The following CAPN8 variants were observed in gnomAD, a reference collection of about 807,000 sequenced individuals.
The protein encoded by CAPN8 is calpain-8.
CAPN8 carries 87 observed loss-of-function variants against 80.9 expected under a neutral mutation model. That is an observed-to-expected ratio of 1.07 (90% CI 0.90 to 1.28). CAPN8 has a LOEUF of 1.28. Ranked by LOEUF, CAPN8 falls within the 50% of genes most tolerant of loss-of-function variation. CAPN8 has a pLI of 0.00. For missense variants in CAPN8, 757 were observed against 702.0 expected (o/e 1.08, Z -0.89); for synonymous variants, 299 against 273.8 (o/e 1.09, Z -0.91).
chr1:223,665,074 A>G (rs1040015675), intron 1 of CAPN8, among the ~76,000 whole-genome samples: 1 of 152,018 alleles, frequency 6.6e-6, no homozygotes, highest in Admixed American at 6.6e-5. Context: ...ACCAACATGG[A>G]GAAACCCCAT....
Position 223,628,146 on chromosome 1 carries a change from G to A in CAPN8, c.427-4C>T. Reference sequence around the variant, plus strand: ...CCCACTCTCCGTACTGCCAGAACTGGGGAGGGGGGACACAGCGGCTGCTCA... The same window carrying A: ...CCCACTCTCCGTACTGCCAGAACTGAGGAGGGGGGACACAGCGGCTGCTCA... On this transcript the variant is annotated splice_region_variant and splice_polypyrimidine_tract_variant and intron_variant, in intron 3 of 20. Coordinates refer to ENST00000366872, the MANE Select transcript of CAPN8 (RefSeq NM_001143962.2). 4 of 1,540,964 alleles carry A rather than the reference G, an allele frequency of 2.6e-6. No individual in the cohort carries two copies. Among genetic ancestry groups the A allele is most frequent in the Non-Finnish European group, 3.5e-6 (4 of 1,141,018 alleles).
chr1:223,652,906 A>G (rs541310224), intron 2 of CAPN8, among the ~76,000 whole-genome samples: 1 of 152,064 alleles, frequency 6.6e-6, no homozygotes, highest in Admixed American at 6.5e-5. Context: ...CGCACTCACC[A>G]TGGTAACGCT....
chr1:223,660,129 C>T (rs1658606264), intron 1 of CAPN8, among the ~76,000 whole-genome samples: 1 of 152,200 alleles, frequency 6.6e-6, no homozygotes, highest in African/African-American at 2.4e-5. Context: ...ACAATTCATC[C>T]CCTTGACATT....
rs1179597170 is a variant in CAPN8, at chr1:223,665,433, C to T, written c.214G>A (p.Gly72Ser). 4 of 1,551,828 alleles carry T rather than the reference C, an allele frequency of 2.6e-6. No homozygotes were observed. The Admixed American group carries it at 7.8e-5, about 30-fold the overall frequency. ...DLGPGSPQTQ[G>S]IIWKRPTELC... is the part of the protein sequence containing the mutation. ...ACCGTGGGCCGCTTCCAGATGATGC[C>T]TTGAGTTTGCGGAGAGCCTGGTCCA... Residue 72 changes from glycine (G) to serine (S), a missense_variant, in exon 1 of 21, where the codon GGC becomes AGC. Coordinates refer to ENST00000366872, the MANE Select transcript of CAPN8 (RefSeq NM_001143962.2).
At chr1:223,610,907 C>T (rs1320538224) in intron 11 of CAPN8, among the ~76,000 whole-genome samples, 1 of 152,180 alleles carries the variant, frequency 6.6e-6, no homozygotes, top group African/African-American at 2.4e-5. Context: ...TCTCAGGCCC[C>T]ACCCTAGACT....
chr1:223,613,336 C>T (rs74145917), intron 10 of CAPN8, among the ~76,000 whole-genome samples: 4,732 of 152,342 alleles, frequency 0.031, 174 homozygotes, highest in African/African-American at 0.09. Context: ...CAAAATCACC[C>T]ATGCAGAGGC....
intron 6 of CAPN8, among the ~76,000 whole-genome samples, chr1:223,624,861 G>A (rs980384349): frequency 7.9e-5 from 12 of 152,144 alleles, no homozygotes; most frequent in African/African-American, 2.2e-4. Flanking sequence ...TTGGGAGGTC[G>A]AGGCGGGCAG....
intron 2 of CAPN8, among the ~76,000 whole-genome samples, chr1:223,652,315 C>A (rs868117761): frequency 3.9e-5 from 6 of 152,136 alleles, no homozygotes; most frequent in South Asian, 2.1e-4. Flanking sequence ...GCACTCCAGC[C>A]TGGGAGACAG....
chr1:223,546,799 G>T (rs34811428), intron 16 of CAPN8, among the ~76,000 whole-genome samples: 13,936 of 152,190 alleles, frequency 0.092, 669 homozygotes, highest in Non-Finnish European at 0.11. Flanking sequence ...AACACCAGTG[G>T]TCTTCAATTC....
intron 2 of CAPN8, among the ~76,000 whole-genome samples, chr1:223,637,348 G>A (rs562227077): frequency 3.9e-5 from 6 of 152,064 alleles, no homozygotes; most frequent in Non-Finnish European, 8.8e-5. Context: ...GAGCACAGAT[G>A]CCTACCAGCC....
rs140826303 is a variant in CAPN8 at position 223,653,643 on chromosome 1, G to A, written c.307+687C>T. Reference sequence around the variant, plus strand: ...TTCAGAGCCATGTTGCCCATAAAATGTAAGGATTGTCCAATTCAACGCAGA... The same window carrying A: ...TTCAGAGCCATGTTGCCCATAAAATATAAGGATTGTCCAATTCAACGCAGA... On this transcript the variant is annotated intron_variant, in intron 2 of 20. Transcript: ENST00000366872. Among the ~76,000 whole-genome samples the A allele has an allele frequency of 1.2e-3, 188 of 152,276 alleles. 4 individuals carry two copies. Among genetic ancestry groups the A allele is most frequent in the African/African-American group, 4.0e-3 (168 of 41,558 alleles).
rs1377830766 is a variant in CAPN8 at position 223,643,474 on chromosome 1, G to A, written c.307+10856C>T. 3.9e-5 allele frequency among the ~76,000 whole-genome samples: 6 copies of A among 152,232 alleles called. No homozygotes were observed. In the South Asian group the frequency reaches 8.3e-4, roughly 21 times the overall value. On this transcript the variant is annotated intron_variant, in intron 2 of 20. Transcript: ENST00000366872. ...ATGTTAAAATGCCAAGGAACCCAGT[G>A]GGGTGTTGTGAGCAGAAAACGAGAT...
chr1:223,650,772 G>A (rs186690131), intron 2 of CAPN8, among the ~76,000 whole-genome samples: 23 of 152,324 alleles, frequency 1.5e-4, no homozygotes, highest in African/African-American at 4.8e-4. Flanking sequence ...TTGAAAGCCA[G>A]TGACCAAAGG....
At position 223,615,990 on chromosome 1, in the gene CAPN8, T is replaced by A; in HGVS notation, c.1291A>T (p.Ile431Phe). 1 of 1,552,288 alleles carries A rather than the reference T, an allele frequency of 6.4e-7. No homozygotes were observed. Among genetic ancestry groups the A allele is most frequent in the South Asian group, 1.2e-5 (1 of 84,066 alleles). Residue 431 changes from isoleucine to phenylalanine, a missense_variant, in exon 10 of 21, where the codon ATC becomes TTC. Transcript: ENST00000366872. ...AGTACCTGGTAGACGGCATAGCCGA[T>A]GCTAAGCATGCCTTGTCCTATCCGC... is the stretch of plus-strand genomic sequence containing the variant. ...RKRIGQGMLS[I>F]GYAVYQVPKE...
chr1:223,628,975 G>A lies in CAPN8; in HGVS notation c.308-195C>T, dbSNP rs988618606. 4.6e-5 allele frequency: 26 copies of A among 570,536 alleles called. 1 individual carries two copies. The highest frequency in any genetic ancestry group is 2.6e-4 in the South Asian group (12 of 46,418). 35.3% of individuals were successfully genotyped at this position (570,536 alleles called of 1,614,324 possible). A position where few individuals can be genotyped will look rare whatever the true frequency, so the allele number is the denominator to read the frequency against. On this transcript the variant is annotated intron_variant, in intron 2 of 20. Coordinates refer to ENST00000366872, the MANE Select transcript of CAPN8 (RefSeq NM_001143962.2). ...CTGCCTCCTTGGGATTTGTTTACTC[G>A]GGAGTGGATCCTCTGCTCCTCCCTG...
At chr1:223,654,272 A>C (rs887331097) in intron 2 of CAPN8, 58 bp downstream of exon 2, 4 of 1,419,724 alleles carry the variant, frequency 2.8e-6, no homozygotes, top group Non-Finnish European at 2.9e-6. Context: ...ATGTTTACTC[A>C]TGACACATAC....
chr1:223,549,267 A>C, intron 16 of CAPN8, 51 bp downstream of exon 16: 1 of 1,533,350 alleles, frequency 6.5e-7, no homozygotes, highest in Non-Finnish European at 8.8e-7. Context: ...GGAGTCTTTA[A>C]AAACCGGACG....
chr1:223,648,157 G>A (rs568639131), intron 2 of CAPN8, among the ~76,000 whole-genome samples: 1 of 152,332 alleles, frequency 6.6e-6, no homozygotes, highest in Admixed American at 6.5e-5. Flanking sequence ...AGTGGTGTTA[G>A]TGGAACAAAA....
chr1:223,645,826 G>A (rs1658176596), intron 2 of CAPN8, among the ~76,000 whole-genome samples: 1 of 152,184 alleles, frequency 6.6e-6, no homozygotes, highest in South Asian at 2.1e-4. Context: ...GGACCCCTGA[G>A]GGAGGCACAA....
Sources: allele counts gnomAD v4.1 joint callset (sites outside exome capture counted in the v4.1 genomes callset), GRCh38; gene constraint gnomAD v4.1.1; transcripts MANE v1.5; gene names NCBI Gene and HGNC (gene_info 2026-07-23, HGNC 2026-07-21).